The following RASA1 variants were observed in gnomAD, a reference collection of about 807,000 sequenced individuals.
RASA1 encodes ras GTPase-activating protein 1.
RASA1 carries 25 observed loss-of-function variants against 132.2 expected under a neutral mutation model. That is an observed-to-expected ratio of 0.19 (90% confidence interval 0.14 to 0.26). The LOEUF (loss-of-function observed/expected upper bound fraction) is 0.26, where lower values mean the gene tolerates loss of function less well. Ranked by LOEUF, RASA1 falls within the 10% of genes least tolerant of loss-of-function variation. The probability of loss-of-function intolerance (pLI) is 1.00; values close to 1 mark genes in which losing one functional copy is unlikely to be tolerated. For missense variants in RASA1, 964 were observed against 1,299.2 expected, an observed-to-expected ratio of 0.74 and a Z score of 3.97; for synonymous variants, 477 against 449.9, an observed-to-expected ratio of 1.06 and a Z score of -0.76.
rs190933305 is a variant in RASA1 at position 87,330,890 on chromosome 5, G to A, written c.540-458G>A. On this transcript the variant is annotated intron_variant, in intron 1 of 24. Coordinates refer to ENST00000274376, the MANE Select transcript of RASA1 (RefSeq NM_002890.3). ...GACAGTGTAATTCTGTTTTCCTGTCGCAGGGCACAAACACTAAAATGGAAT... is the reference window on the plus strand; with the variant it reads ...GACAGTGTAATTCTGTTTTCCTGTCACAGGGCACAAACACTAAAATGGAAT... The A allele has an allele frequency of 2.1e-4, 245 of 1,174,014 alleles. No homozygotes were observed. The South Asian group carries it at 2.2e-3, about 11-fold the overall frequency. The allele number at this position is 1,174,014 out of a possible 1,614,324, so 72.7% of individuals were successfully genotyped here. A position where few individuals can be genotyped will look rare whatever the true frequency, so the allele number is the denominator to read the frequency against.
intron 1 of RASA1, among the ~76,000 whole-genome samples, chr5:87,305,126 A>G (rs1755549880): frequency 6.6e-6 from 1 of 151,328 alleles, no homozygotes; most frequent in South Asian, 2.1e-4. Context: ...TTTTTGTTGC[A>G]AAGTTAGCAA....
chr5:87,363,629 A>G, intron 11 of RASA1, 125 bp downstream of exon 11: 1 of 1,084,248 alleles, frequency 9.2e-7, no homozygotes, highest in Non-Finnish European at 1.4e-6. Context: ...CTTTCTAGGT[A>G]ATTTTTGCCT....
rs764894260 is a variant in RASA1 at position 87,389,434 on chromosome 5, G to A, written c.2967G>A (p.Thr989=). ...CGGACACTACAGAGCATTCTAGAAC[G>A]GACCTGTCCCGTGATTTAGCAGCAT... ...ELPDTTEHSR[T]DLSRDLAALH... The change falls in exon 24 of 25, where the codon ACG becomes ACA. Residue 989 remains threonine (T), a synonymous_variant. Coordinates refer to ENST00000274376, the MANE Select transcript of RASA1 (RefSeq NM_002890.3). 8.7e-6 allele frequency: 14 copies of A among 1,614,120 alleles called. No homozygotes were observed. Among genetic ancestry groups the A allele is most frequent in the Admixed American group, 5.0e-5 (3 of 60,024 alleles).
chr5:87,323,855 A>G (rs1159600615), intron 1 of RASA1, among the ~76,000 whole-genome samples: 1 of 152,044 alleles, frequency 6.6e-6, no homozygotes, highest in Non-Finnish European at 1.5e-5. Context: ...CAGGAAATGT[A>G]TGCTAAAATT....
At chr5:87,359,834 C>T (rs1008016599) in intron 9 of RASA1, among the ~76,000 whole-genome samples, 2 of 152,054 alleles carry the variant, frequency 1.3e-5, no homozygotes, top group Admixed American at 6.5e-5. Context: ...TTAAATGTAG[C>T]GTACCCAAAT....
At chr5:87,340,554 A>G (rs1441219255) in intron 5 of RASA1, among the ~76,000 whole-genome samples, 3 of 152,124 alleles carry the variant, frequency 2.0e-5, no homozygotes, top group African/African-American at 7.2e-5. Context: ...ATTTTTCTCC[A>G]TAATAGTGGA....
At chr5:87,276,007 C>T (rs1347133455) in intron 1 of RASA1, among the ~76,000 whole-genome samples, 2 of 152,104 alleles carry the variant, frequency 1.3e-5, no homozygotes, top group African/African-American at 4.8e-5. Context: ...TCACATAACC[C>T]AGTGTGCATT....
chr5:87,376,864 T>C lies in RASA1; in HGVS notation c.2185-17T>C. ...AATGCTACGTACTTTAAACAATCTT[T>C]TAAAATGTCATTTTAGCTTATACTG... On this transcript the variant is annotated splice_polypyrimidine_tract_variant and intron_variant, in intron 16 of 24. Coordinates refer to ENST00000274376, the MANE Select transcript of RASA1 (RefSeq NM_002890.3). 2 of 1,580,758 alleles carry C rather than the reference T, an allele frequency of 1.3e-6. No individual in the cohort carries two copies. Among genetic ancestry groups the C allele is most frequent in the South Asian group, 1.1e-5 (1 of 90,386 alleles).
In RASA1 at chr5:87,389,462, C is replaced by A; in HGVS notation, c.2995C>A (p.His999Asn). The part of the protein sequence containing the change: ...TDLSRDLAAL[H>N]EICVAHSDEL... ...CCTGTCCCGTGATTTAGCAGCATTG[C>A]ATGAGATTTGCGTGGCTCATTCAGA... The change falls in exon 24 of 25, where the codon CAT becomes AAT. Residue 999 changes from histidine (H) to asparagine (N), a missense_variant. By Grantham distance (68) the His-to-Asn change is moderately conservative. Around this residue, in one of 6 missense-constraint regions of RASA1, gnomAD observed 107 missense variants for 163.8 expected, o/e 0.65. Coordinates refer to ENST00000274376, the MANE Select transcript of RASA1 (RefSeq NM_002890.3). The A allele has an allele frequency of 6.2e-7, 1 of 1,614,180 alleles. No individual in the cohort carries two copies. The highest frequency in any genetic ancestry group is 8.5e-7 in the Non-Finnish European group (1 of 1,179,992).
intron 23 of RASA1, 122 bp downstream of exon 23, chr5:87,387,025 C>A (rs1253187286): frequency 4.4e-6 from 4 of 910,254 alleles, no homozygotes; most frequent in Non-Finnish European, 6.7e-6. Context: ...AAAAAGCCTG[C>A]AAATTTTTGT....
intron 14 of RASA1, among the ~76,000 whole-genome samples, 189 bp downstream of exon 14, chr5:87,374,509 A>G (rs1221622056): frequency 1.5e-5 from 2 of 129,716 alleles, no homozygotes; most frequent in Admixed American, 8.2e-5. Context: ...GTGAAGTGCT[A>G]TGCCCTTGGT....
chr5:87,362,446 T>G, intron 9 of RASA1, 105 bp from the exon 10 acceptor site: 1 of 1,111,760 alleles, frequency 9.0e-7, no homozygotes, highest in Non-Finnish European at 1.3e-6. Context: ...TGTATCTAGA[T>G]TTTAGTATTT....
chr5:87,356,540 C>G (rs1357569101), intron 9 of RASA1, among the ~76,000 whole-genome samples: 3 of 152,080 alleles, frequency 2.0e-5, no homozygotes, highest in Non-Finnish European at 4.4e-5. Context: ...CAGGTGTACA[C>G]CACCGTGCCT....
chr5:87,271,021 CTGAAGTCCGGAG>C (rs1299189778), intron 1 of RASA1, among the ~76,000 whole-genome samples: 1 of 152,100 alleles, frequency 6.6e-6, no homozygotes, highest in African/African-American at 2.4e-5. Flanking sequence ...GGTGGATCAC[CTGAAGTCCGGAG>C]TTTGAGACCA....
intron 11 of RASA1, among the ~76,000 whole-genome samples, chr5:87,364,289 T>C (rs755644596): frequency 2.0e-5 from 3 of 152,168 alleles, no homozygotes; most frequent in Non-Finnish European, 4.4e-5. Flanking sequence ...CTGTAAAATA[T>C]ATAGCCTTGT....
rs775439567 is a variant in RASA1 at position 87,389,381 on chromosome 5, AT to A, written c.2926-10del. The A allele has an allele frequency of 3.1e-6, 5 of 1,613,982 alleles. 1 individual carries two copies. In the South Asian group the frequency reaches 5.5e-5, roughly 18 times the overall value. On this transcript the variant is annotated splice_polypyrimidine_tract_variant and intron_variant, in intron 23 of 24. Transcript: ENST00000274376. ...TTGTATTTCTAAATGCAATTTTACG[AT>A]TCCCTTAAAGAATGTACCTGAACTT...
intron 1 of RASA1, among the ~76,000 whole-genome samples, chr5:87,309,000 A>G (rs576565532): frequency 6.6e-6 from 1 of 152,276 alleles, no homozygotes; most frequent in African/African-American, 2.4e-5. Context: ...TCTAATAGGC[A>G]ATGTATATTT....
At chr5:87,336,382 T>A (rs1003262969) in intron 4 of RASA1, among the ~76,000 whole-genome samples, 3 of 151,538 alleles carry the variant, frequency 2.0e-5, no homozygotes, top group Non-Finnish European at 2.9e-5. Context: ...AAAAAAAAAA[T>A]AGCTGATCTA....
intron 22 of RASA1, among the ~76,000 whole-genome samples, chr5:87,385,890 G>C (rs1019756056): frequency 6.6e-6 from 1 of 151,896 alleles, no homozygotes; most frequent in East Asian, 1.9e-4. Flanking sequence ...CTTAATAATG[G>C]ATATTTAGAT....
Sources: allele counts gnomAD v4.1 joint callset (sites outside exome capture counted in the v4.1 genomes callset), GRCh38; gene constraint gnomAD v4.1.1; regional missense constraint gnomAD v4.1.1; transcripts MANE v1.5; gene names NCBI Gene and HGNC (gene_info 2026-07-23, HGNC 2026-07-21).